SRSF3: variants seen among roughly 807,000 people sequenced by gnomAD.
SRSF3 encodes the protein serine/arginine-rich splicing factor 3.
For synonymous variants in SRSF3, 87 were observed against 73.6 expected (o/e 1.18, Z -0.93); for missense variants, 58 against 217.1 (o/e 0.27, Z 4.61).
At position 36,602,240 on chromosome 6, in the gene SRSF3, T is replaced by C; in HGVS notation, c.*251T>C. On this transcript the variant is annotated 3_prime_UTR_variant, in exon 6 of 6. Transcript: ENST00000373715. ...ATGTTCCCTTAAGCAAAATTGAATT[T>C]GCTTTGAACTTTTAGTTATGCACAG... is the stretch of plus-strand genomic sequence containing the variant. The C allele has an allele frequency of 1.5e-6, 1 of 650,784 alleles. No individual in the cohort carries two copies. The highest frequency in any genetic ancestry group is 2.3e-6 in the Non-Finnish European group (1 of 428,058). The allele number at this position is 650,784 out of a possible 1,614,324, so 40.3% of individuals were successfully genotyped here. A position where few individuals can be genotyped will look rare whatever the true frequency, so the allele number is the denominator to read the frequency against.
rs891176784 is a variant in SRSF3 at position 36,603,551 on chromosome 6, A to C, written c.*1562A>C. The C allele has an allele frequency of 1.8e-5, 4 of 227,634 alleles. No homozygotes were observed. The Admixed American group carries it at 2.3e-4, about 13-fold the overall frequency. The allele number at this position is 227,634 out of a possible 1,614,324, so 14.1% of individuals were successfully genotyped here. A position where few individuals can be genotyped will look rare whatever the true frequency, so the allele number is the denominator to read the frequency against. ...GAGTTCAAGCTAAATGGATACATTA[A>C]GATACAGTTCCTAAACAAATTATTT... On this transcript the variant is annotated 3_prime_UTR_variant, in exon 6 of 6. Coordinates refer to ENST00000373715, the MANE Select transcript of SRSF3 (RefSeq NM_003017.5).
rs754568966 is a variant in SRSF3 at position 36,601,200 on chromosome 6, T to C, written c.380+10T>C. On this transcript the variant is annotated intron_variant, in intron 4 of 5. Coordinates refer to ENST00000373715, the MANE Select transcript of SRSF3 (RefSeq NM_003017.5). ...CTCGCAGCCGGAGCAGGTAAATGAC[T>C]ACCTTTTTTGGCTACGTTCTTAGAA... 6.2e-7 allele frequency: 1 copy of C among 1,613,688 alleles called. No individual in the cohort carries two copies. The highest frequency in any genetic ancestry group is 8.5e-7 in the Non-Finnish European group (1 of 1,179,822).
In SRSF3 at chr6:36,603,377, C is replaced by G. The variant is rs9470346; in HGVS notation, c.*1388C>G. The G allele has an allele frequency of 2.7e-3, 597 of 224,114 alleles. 3 individuals are homozygous for G. The highest frequency in any genetic ancestry group is 0.012 in the African/African-American group (560 of 44,962). The allele number at this position is 224,114 out of a possible 1,614,324, so 13.9% of individuals were successfully genotyped here. On this transcript the variant is annotated 3_prime_UTR_variant, in exon 6 of 6. Transcript: ENST00000373715. Reference sequence around the variant, plus strand: ...GCATAACCTTCCTCTTAGAAAATGGCAGGTGTTGTAATTTCAAATTTTTGT... The same window carrying G: ...GCATAACCTTCCTCTTAGAAAATGGGAGGTGTTGTAATTTCAAATTTTTGT...
chr6:36,598,795 A>G lies in SRSF3; in HGVS notation c.207-54A>G, dbSNP rs1367708620. On this transcript the variant is annotated intron_variant, in intron 2 of 5. Coordinates refer to ENST00000373715, the MANE Select transcript of SRSF3 (RefSeq NM_003017.5). The stretch of plus-strand genomic sequence containing the variant: ...CCAACTGAGAGTACTTTTGGCTTTA[A>G]TACGCATGTCAGAAAGTCAGGCTGT... The G allele has an allele frequency of 4.7e-5, 75 of 1,595,924 alleles. 1 individual carries two copies. The South Asian group carries it at 7.6e-4, about 16-fold the overall frequency.
chr6:36,602,289 G>C lies in SRSF3; in HGVS notation c.*300G>C, dbSNP rs1195968304. 2.7e-6 allele frequency: 1 copy of C among 373,206 alleles called. No homozygotes were observed. Among genetic ancestry groups the C allele is most frequent in the African/African-American group, 2.1e-5 (1 of 48,056 alleles). The allele number at this position is 373,206 out of a possible 1,614,324, so 23.1% of individuals were successfully genotyped here. The stretch of plus-strand genomic sequence containing the variant: ...AGACTGATAATAAACCTCTAAACCT[G>C]CCCAGCGGAAGTGTGTTTTTTTTTA... On this transcript the variant is annotated 3_prime_UTR_variant, in exon 6 of 6. Coordinates refer to ENST00000373715, the MANE Select transcript of SRSF3 (RefSeq NM_003017.5).
Position 36,601,062 on chromosome 6 carries a change from G to A in SRSF3, c.342-90G>A, listed in dbSNP as rs1398003127. 4 of 872,526 alleles carry A rather than the reference G, an allele frequency of 4.6e-6. No individual in the cohort carries two copies. The Admixed American group carries it at 7.1e-5, about 16-fold the overall frequency. 54.0% of individuals were successfully genotyped at this position (872,526 alleles called of 1,614,324 possible). The stretch of plus-strand genomic sequence containing the variant: ...TGCCAGTTCTTCGGCACATTCACTG[G>A]GCCCAACAGTGAGATTGAAAAGTTG... On this transcript the variant is annotated intron_variant, in intron 3 of 5. Transcript: ENST00000373715.
chr6:36,597,323 C>T, intron 2 of SRSF3: 1 of 254,666 alleles, frequency 3.9e-6, no homozygotes, highest in Non-Finnish European at 7.7e-6. Context: ...CCAGGCTGGT[C>T]TCGAACTCCT....
At chr6:36,598,634 G>A (rs573702754) in intron 2 of SRSF3, 41 of 486,146 alleles carry the variant, frequency 8.4e-5, no homozygotes, top group African/African-American at 7.1e-4. Flanking sequence ...CGCCTGCCTC[G>A]GCCTCATAAA....
At chr6:36,599,376 G>T in intron 3 of SRSF3, 1 of 189,186 alleles carries the variant, frequency 5.3e-6, no homozygotes, top group Non-Finnish European at 1.1e-5. Flanking sequence ...TATCAAACAG[G>T]CAGCTGTTTT....
Position 36,603,098 on chromosome 6 carries a change from G to A in SRSF3, c.*1109G>A, listed in dbSNP as rs1778747016. 4.6e-6 allele frequency: 1 copy of A among 217,908 alleles called. No individual in the cohort carries two copies. The highest frequency in any genetic ancestry group is 2.3e-5 in the African/African-American group (1 of 44,326). The allele number at this position is 217,908 out of a possible 1,614,324, so 13.5% of individuals were successfully genotyped here. ...CCCATTTTTTTTTTTTTTAGGCATA[G>A]AAGCCAGTTCAGGGTCCATAATATT... On this transcript the variant is annotated 3_prime_UTR_variant, in exon 6 of 6. Transcript: ENST00000373715.
rs1442510584 is a variant in SRSF3, at chr6:36,603,703, A to G, written c.*1714A>G. The G allele has an allele frequency of 4.3e-6, 1 of 230,696 alleles. No homozygotes were observed. 14.3% of individuals were successfully genotyped at this position (230,696 alleles called of 1,614,324 possible). On this transcript the variant is annotated 3_prime_UTR_variant, in exon 6 of 6. Transcript: ENST00000373715. Reference sequence around the variant, plus strand: ...TTTACTGAGAGCTCTGGCATTGGGCATTTTGTCTTTAGTATTCTCACATAG... The same window carrying G: ...TTTACTGAGAGCTCTGGCATTGGGCGTTTTGTCTTTAGTATTCTCACATAG...
chr6:36,597,683 G>A (rs545901518), intron 2 of SRSF3, among the ~76,000 whole-genome samples: 225 of 151,944 alleles, frequency 1.5e-3, no homozygotes, highest in Non-Finnish European at 2.1e-3. Flanking sequence ...ATGAAAGGTT[G>A]GTCAATTCAA....
intron 3 of SRSF3, chr6:36,600,340 AT>A: frequency 2.1e-6 from 2 of 940,144 alleles, no homozygotes; most frequent in Non-Finnish European, 2.6e-6. Flanking sequence ...GCTTAAAGTA[AT>A]TCTTTTTTCT....
chr6:36,597,803 C>CTTTTTTTT (rs377627108), intron 2 of SRSF3, among the ~76,000 whole-genome samples: 7 of 131,234 alleles, frequency 5.3e-5, no homozygotes, highest in African/African-American at 1.7e-4. Context: ...GAATAATGGT[C>CTTTTTTTT]TTTTTTTTTT....
chr6:36,599,001 T>C lies in SRSF3; in HGVS notation c.341+18T>C. 1 of 1,613,684 alleles carries C rather than the reference T, an allele frequency of 6.2e-7. No homozygotes were observed. ...CGTCGCAGGTACTTGAGAGAAAGCT[T>C]GTTAAGAGGTATTGGTGTAATGGAG... On this transcript the variant is annotated intron_variant, in intron 3 of 5. Transcript: ENST00000373715.
intron 3 of SRSF3, chr6:36,600,415 T>C (rs914050687): frequency 7.1e-6 from 3 of 423,000 alleles, no homozygotes; most frequent in Non-Finnish European, 9.5e-6. Context: ...GAAAAACTTT[T>C]AAGGGTGATA....
intron 1 of SRSF3, among the ~76,000 whole-genome samples, chr6:36,595,857 A>C (rs1278256834): frequency 6.6e-6 from 1 of 152,194 alleles, no homozygotes; most frequent in East Asian, 1.9e-4. Context: ...GGTCTATCTA[A>C]TGACATTTGA....
chr6:36,598,050 C>T lies in SRSF3; in HGVS notation c.207-799C>T, dbSNP rs138394276. ...GAGGGGAGAGGGTGCTGTAAAATGG[C>T]CAAAATGGTTCTGTCTTGTCTTGAA... is the stretch of plus-strand genomic sequence containing the variant. On this transcript the variant is annotated intron_variant, in intron 2 of 5. Transcript: ENST00000373715. Among the ~76,000 whole-genome samples, 10 of 152,092 alleles carry T rather than the reference C, an allele frequency of 6.6e-5. No individual in the cohort carries two copies. The East Asian group carries it at 1.9e-3, about 29-fold the overall frequency.
At chr6:36,600,905 C>T (rs908290341) in intron 3 of SRSF3, 3 of 397,238 alleles carry the variant, frequency 7.6e-6, no homozygotes, top group Non-Finnish European at 8.8e-6. Flanking sequence ...GTGAAGCATT[C>T]TTTGTTAAAG....
Sources: allele counts gnomAD v4.1 joint callset (sites outside exome capture counted in the v4.1 genomes callset), GRCh38; gene constraint gnomAD v4.1.1; transcripts MANE v1.5; gene names NCBI Gene and HGNC (gene_info 2026-07-23, HGNC 2026-07-21).